The following DPY19L3 variants were observed in gnomAD, a reference collection of about 807,000 sequenced individuals.
DPY19L3 encodes dpy-19 like C-mannosyltransferase 3, also known as protein C-mannosyl-transferase DPY19L3.
A neutral mutation model predicts 92.3 loss-of-function variants in DPY19L3; 51 were observed. The ratio of observed to expected loss-of-function variants is 0.55; its 90% CI spans 0.44 to 0.70. The LOEUF (loss-of-function observed/expected upper bound fraction) is 0.70. Among genes scored for constraint, DPY19L3 ranks in the 30% least tolerant of loss-of-function variants. The probability of loss-of-function intolerance (pLI) is 0.00; values close to 1 mark genes in which losing one functional copy is unlikely to be tolerated. For synonymous variants in DPY19L3, 309 were observed against 315.2 expected (o/e 0.98, Z 0.21); for missense variants, 706 against 855.9 (o/e 0.82, Z 2.18).
Position 32,437,246 on chromosome 19 carries a change from C to A in DPY19L3, c.503C>A (p.Ala168Glu). 6.2e-7 allele frequency: 1 copy of A among 1,613,972 alleles called. No homozygotes were observed. Among genetic ancestry groups the A allele is most frequent in the Non-Finnish European group, 8.5e-7 (1 of 1,179,974 alleles). The change falls in exon 6 of 19, where the codon GCG (alanine) becomes GAG (glutamate). Residue 168 changes from alanine to glutamate, a missense_variant. By Grantham distance (107) the Ala-to-Glu change is moderately radical. Coordinates refer to ENST00000392250, the MANE Select transcript of DPY19L3 (RefSeq NM_001172774.2). ...ATTTACACCTTATTTGGGCTCCAGG[C>A]GATCTATGTCACAGCTCTCTACATA... ...FYIYTLFGLQ[A>E]IYVTALYITS...
chr19:32,464,278 CTGT>C (rs1385694450), intron 14 of DPY19L3, among the ~76,000 whole-genome samples: 7 of 151,896 alleles, frequency 4.6e-5, no homozygotes, highest in Admixed American at 2.0e-4. Flanking sequence ...GGAATTATAA[CTGT>C]TGTTATTATA....
Position 32,407,199 on chromosome 19 carries a change from A to C in DPY19L3, c.-37-1018A>C, listed in dbSNP as rs923952553. On this transcript the variant is annotated intron_variant, in intron 1 of 18. Coordinates refer to ENST00000392250, the MANE Select transcript of DPY19L3 (RefSeq NM_001172774.2). ...GAAGCAAGATGTTCTGGAGGACTGG[A>C]ACCCGCTTACTCACTGCCACCACTC... is the stretch of plus-strand genomic sequence containing the variant. Among the ~76,000 whole-genome samples the C allele has an allele frequency of 6.6e-5, 10 of 150,408 alleles. No individual in the cohort carries two copies. In the East Asian group the frequency reaches 9.8e-4, roughly 15 times the overall value.
chr19:32,446,684 C>T (rs979607974), intron 8 of DPY19L3, among the ~76,000 whole-genome samples: 7 of 152,146 alleles, frequency 4.6e-5, no homozygotes, highest in African/African-American at 1.4e-4. Flanking sequence ...CTAAGTGTAC[C>T]TGCACCAAAC....
chr19:32,424,708 CTTTTCACAGAAA>C (rs1035676314), intron 3 of DPY19L3, among the ~76,000 whole-genome samples: 1 of 152,144 alleles, frequency 6.6e-6, no homozygotes, highest in Non-Finnish European at 1.5e-5. Flanking sequence ...CCCAGGTGGA[CTTTTCACAGAAA>C]TTGACAAGCT....
At chr19:32,464,609 G>A (rs2145600690) in intron 14 of DPY19L3, 119 bp from the exon 15 acceptor site, 2 of 575,888 alleles carry the variant, frequency 3.5e-6, no homozygotes, top group African/African-American at 2.0e-5. Flanking sequence ...GGCTGAGACA[G>A]GAAAATCACT....
At chr19:32,416,979 C>T (rs1968399382) in intron 3 of DPY19L3, among the ~76,000 whole-genome samples, 1 of 152,214 alleles carries the variant, frequency 6.6e-6, no homozygotes, top group Admixed American at 6.5e-5. Flanking sequence ...ATCTCCTTAG[C>T]ACAAATTAGG....
In DPY19L3 at chr19:32,458,169, A is replaced by G. The variant is rs770080286; in HGVS notation, c.1159A>G (p.Thr387Ala). 4 of 1,613,038 alleles carry G rather than the reference A, an allele frequency of 2.5e-6. No individual in the cohort carries two copies. The highest frequency in any genetic ancestry group is 1.7e-5 in the Admixed American group (1 of 59,856). ...FLKAKFGLGATRDFDANLYLC... is the reference protein window; with the variant it reads ...FLKAKFGLGAARDFDANLYLC... Reference sequence around the variant, plus strand: ...GAAGGCAAAATTTGGGCTTGGAGCAACAAGGTATAACTGAATTGAAAGTCT... The same window carrying G: ...GAAGGCAAAATTTGGGCTTGGAGCAGCAAGGTATAACTGAATTGAAAGTCT... Residue 387 changes from threonine (T) to alanine (A), a missense_variant, in exon 11 of 19, where the codon ACA (threonine) becomes GCA (alanine). By Grantham distance (58) the Thr-to-Ala change is moderately conservative. Coordinates refer to ENST00000392250, the MANE Select transcript of DPY19L3 (RefSeq NM_001172774.2).
intron 12 of DPY19L3, among the ~76,000 whole-genome samples, chr19:32,460,115 G>A (rs954795948): frequency 6.6e-6 from 1 of 152,060 alleles, no homozygotes; most frequent in Non-Finnish European, 1.5e-5. Flanking sequence ...AATAGGTACA[G>A]TAAAAATATA....
At chr19:32,442,380 CA>C (rs1475990840) in intron 8 of DPY19L3, among the ~76,000 whole-genome samples, 4 of 152,180 alleles carry the variant, frequency 2.6e-5, no homozygotes, top group Admixed American at 6.5e-5. Flanking sequence ...ATTGTGGAAA[CA>C]GACGCATTCA....
chr19:32,455,914 G>GCTAGAGCAAAACTACATTGA (rs1969847899), intron 10 of DPY19L3, among the ~76,000 whole-genome samples: 1 of 151,748 alleles, frequency 6.6e-6, no homozygotes, highest in Non-Finnish European at 1.5e-5. Flanking sequence ...AACTACATTG[G>GCTAGAGCAAAACTACATTGA]TATCTTCAGA....
intron 18 of DPY19L3, 25 bp from the exon 19 acceptor site, chr19:32,482,054 G>T: frequency 6.2e-7 from 1 of 1,603,416 alleles, no homozygotes. Flanking sequence ...CCCCCAAATT[G>T]TATTTGGGTT....
At chr19:32,466,324 C>T (rs1177710058) in intron 15 of DPY19L3, among the ~76,000 whole-genome samples, 1 of 152,196 alleles carries the variant, frequency 6.6e-6, no homozygotes, top group Non-Finnish European at 1.5e-5. Flanking sequence ...CCTACCGAAT[C>T]AGAAGCCTGG....
At chr19:32,436,144 G>C (rs1969130986) in intron 4 of DPY19L3, among the ~76,000 whole-genome samples, 2 of 152,266 alleles carry the variant, frequency 1.3e-5, no homozygotes, top group Admixed American at 6.5e-5. Context: ...GGAGGGCAGG[G>C]TGGAGAAATG....
intron 1 of DPY19L3, among the ~76,000 whole-genome samples, chr19:32,407,274 C>CCG (rs1968000955): frequency 6.9e-6 from 1 of 145,096 alleles, no homozygotes; most frequent in Non-Finnish European, 1.5e-5. Flanking sequence ...TCCCCCCCAC[C>CCG]CATTACTCCC....
chr19:32,469,065 AT>A (rs1265736490), intron 16 of DPY19L3: 1 of 256,546 alleles, frequency 3.9e-6, no homozygotes, highest in Non-Finnish European at 7.2e-6. Context: ...CAATAAATAA[AT>A]TTCAAACCAC....
At chr19:32,478,955 T>C (rs966938730) in intron 17 of DPY19L3, among the ~76,000 whole-genome samples, 2 of 105,746 alleles carry the variant, frequency 1.9e-5, no homozygotes, top group African/African-American at 7.3e-5. Flanking sequence ...TCGAGAGATG[T>C]TATCAAGTCC....
intron 4 of DPY19L3, among the ~76,000 whole-genome samples, chr19:32,434,785 T>A (rs779500253): frequency 5.7e-4 from 87 of 152,242 alleles, no homozygotes; most frequent in Non-Finnish European, 1.2e-3. Flanking sequence ...GGTCAGGTTC[T>A]AGGGAGGGCT....
In DPY19L3 at chr19:32,436,429, T is replaced by C. The variant is rs756827836; in HGVS notation, c.329-17T>C. The stretch of plus-strand genomic sequence containing the variant: ...TGAGTGTAATTATTTTCTTCCTGAC[T>C]TTTCACATATCTATAGGTTTTCATG... On this transcript the variant is annotated splice_polypyrimidine_tract_variant and intron_variant, in intron 4 of 18. Coordinates refer to ENST00000392250, the MANE Select transcript of DPY19L3 (RefSeq NM_001172774.2). 6.9e-7 allele frequency: 1 copy of C among 1,452,080 alleles called. No individual in the cohort carries two copies. Among genetic ancestry groups the C allele is most frequent in the African/African-American group, 1.4e-5 (1 of 69,860 alleles). The allele number at this position is 1,452,080 out of a possible 1,614,324, so 89.9% of individuals were successfully genotyped here.
intron 3 of DPY19L3, among the ~76,000 whole-genome samples, chr19:32,430,598 C>T (rs1163200084): frequency 6.6e-6 from 1 of 151,964 alleles, no homozygotes; most frequent in Non-Finnish European, 1.5e-5. Flanking sequence ...AAGATAATAG[C>T]ATGAATGGTT....
Sources: allele counts gnomAD v4.1 joint callset (sites outside exome capture counted in the v4.1 genomes callset), GRCh38; gene constraint gnomAD v4.1.1; transcripts MANE v1.5; gene names NCBI Gene and HGNC (gene_info 2026-07-23, HGNC 2026-07-21).